Variants in PHACTR1 observed in about 807,000 individuals in gnomAD.
PHACTR1 encodes the protein phosphatase and actin regulator 1.
A neutral mutation model predicts 69.2 loss-of-function variants in PHACTR1; 16 were observed. The observed-to-expected ratio is 0.23, with a 90% CI of 0.16 to 0.35. The LOEUF (loss-of-function observed/expected upper bound fraction) is 0.35, where lower values mean the gene tolerates loss of function less well. Ranked by LOEUF, PHACTR1 falls within the 10% of genes least tolerant of loss-of-function variation. The pLI, the probability that PHACTR1 is intolerant of heterozygous loss-of-function variation, is 1.00. For missense variants in PHACTR1, 510 were observed against 734.7 expected (o/e 0.69, Z 3.54); for synonymous variants, 312 against 284.5 (o/e 1.10, Z -0.97).
At chr6:12,813,557 G>A (rs1396055626) in intron 4 of PHACTR1, among the ~76,000 whole-genome samples, 1 of 152,194 alleles carries the variant, frequency 6.6e-6, no homozygotes, top group East Asian at 1.9e-4. Flanking sequence ...TCCAGAGTGT[G>A]AGTGTGCTCC....
chr6:13,283,711 C>CA lies in PHACTR1; in HGVS notation c.1650+150dup. ...GTGTTGAGACCCCAACACCTTTCCCCAGGGGCCACAGATAATCTGCGGAAA... is the reference window on the plus strand; with the variant it reads ...GTGTTGAGACCCCAACACCTTTCCCCAAGGGGCCACAGATAATCTGCGGAAA... On this transcript the variant is annotated intron_variant, in intron 13 of 14. Transcript: ENST00000332995. The surrounding 1 kb of genome is among the most constrained non-coding windows in gnomAD (Gnocchi z 4.7). 1 of 1,121,910 alleles carries CA rather than the reference C, an allele frequency of 8.9e-7. No individual in the cohort carries two copies. Among genetic ancestry groups the CA allele is most frequent in the Non-Finnish European group, 1.3e-6 (1 of 772,634 alleles). 69.5% of individuals were successfully genotyped at this position (1,121,910 alleles called of 1,614,324 possible).
chr6:13,124,285 C>T (rs1819186830), intron 5 of PHACTR1, among the ~76,000 whole-genome samples: 1 of 152,142 alleles, frequency 6.6e-6, no homozygotes, highest in African/African-American at 2.4e-5. Context: ...ATGGAGTTCC[C>T]AATAAATTGT....
chr6:13,039,493 A>G lies in PHACTR1; in HGVS notation c.251-13872A>G, dbSNP rs568730766. 2.4e-4 allele frequency among the ~76,000 whole-genome samples: 37 copies of G among 152,328 alleles called. 1 individual carries two copies. In the South Asian group the frequency reaches 6.8e-3, roughly 28 times the overall value. ...TCAGGACAGCCAAGATTGATATTTG[A>G]TTAGCTCTGCAGTAAAGTTCCCATC... On this transcript the variant is annotated intron_variant, in intron 4 of 14. Coordinates refer to ENST00000332995, the MANE Select transcript of PHACTR1 (RefSeq NM_030948.6).
chr6:13,284,735 T>C (rs1002990202), intron 13 of PHACTR1, among the ~76,000 whole-genome samples: 2 of 151,694 alleles, frequency 1.3e-5, no homozygotes, highest in Non-Finnish European at 1.5e-5. Flanking sequence ...CAGGAAGTCA[T>C]TTATGGCCCA....
At chr6:13,137,627 T>A (rs1223521) in intron 5 of PHACTR1, among the ~76,000 whole-genome samples, 1 of 152,196 alleles carries the variant, frequency 6.6e-6, no homozygotes, top group Non-Finnish European at 1.5e-5. Flanking sequence ...CCCATGCAAC[T>A]GTTTTCATGC....
chr6:12,909,596 T>C (rs1786136266), intron 4 of PHACTR1, among the ~76,000 whole-genome samples: 1 of 152,168 alleles, frequency 6.6e-6, no homozygotes, highest in Non-Finnish European at 1.5e-5. Flanking sequence ...TATGAGTAGG[T>C]GAAAACAACC....
chr6:13,160,242 G>C lies in PHACTR1; in HGVS notation c.454G>C (p.Glu152Gln). ...RKISMRQSREELIKRGVLKEI... is the reference protein window; with the variant it reads ...RKISMRQSREQLIKRGVLKEI... ...AATATCTATGAGGCAAAGCAGAGAA[G>C]AGCTGATAAAGCGAGGAGTCCTGAA... Residue 152 changes from glutamate to glutamine, a missense_variant, in exon 6 of 15, where the codon GAG (glutamate) becomes CAG (glutamine). Glu to Gln is a conservative substitution (Grantham distance 29). Around this residue, in one of 2 missense-constraint regions of PHACTR1, gnomAD observed 419 missense variants for 530.9 expected, o/e 0.79. Coordinates refer to ENST00000332995, the MANE Select transcript of PHACTR1 (RefSeq NM_030948.6). The C allele has an allele frequency of 1.9e-6, 3 of 1,613,816 alleles. No individual in the cohort carries two copies. Among genetic ancestry groups the C allele is most frequent in the Non-Finnish European group, 2.5e-6 (3 of 1,179,772 alleles).
intron 4 of PHACTR1, among the ~76,000 whole-genome samples, chr6:12,856,466 G>C (rs1012565846): frequency 1.6e-4 from 24 of 152,036 alleles, no homozygotes; most frequent in Admixed American, 6.5e-5. Flanking sequence ...TGTTAGCCAG[G>C]ATGGTCTTCT....
intron 4 of PHACTR1, among the ~76,000 whole-genome samples, chr6:12,932,929 C>T (rs543969645): frequency 1.6e-4 from 23 of 147,136 alleles, no homozygotes; most frequent in African/African-American, 5.5e-4. Flanking sequence ...TAATTTATTC[C>T]AAATCTTTTT....
At chr6:12,931,124 T>A (rs567315659) in intron 4 of PHACTR1, among the ~76,000 whole-genome samples, 37 of 152,182 alleles carry the variant, frequency 2.4e-4, no homozygotes, top group Middle Eastern at 6.8e-3. Flanking sequence ...TATAGTGGCT[T>A]AAGATCGAAA....
At chr6:13,107,066 A>G (rs1178523688) in intron 5 of PHACTR1, among the ~76,000 whole-genome samples, 2 of 151,882 alleles carry the variant, frequency 1.3e-5, no homozygotes, top group South Asian at 2.1e-4. Context: ...ACATTATAAA[A>G]TGAGTTAGGA....
At chr6:12,837,063 C>T (rs961037184) in intron 4 of PHACTR1, among the ~76,000 whole-genome samples, 4 of 152,136 alleles carry the variant, frequency 2.6e-5, no homozygotes, top group African/African-American at 9.7e-5. Context: ...GCTCAGTGTC[C>T]TGCAATCATT....
chr6:12,736,766 C>T (rs981109989), intron 3 of PHACTR1, among the ~76,000 whole-genome samples: 1 of 152,014 alleles, frequency 6.6e-6, no homozygotes, highest in African/African-American at 2.4e-5. Flanking sequence ...ACAAAGAATA[C>T]ATATGTACTC....
chr6:13,093,052 A>G (rs1813544851), intron 5 of PHACTR1, among the ~76,000 whole-genome samples: 1 of 152,190 alleles, frequency 6.6e-6, no homozygotes, highest in Non-Finnish European at 1.5e-5. Context: ...TCAGTGACAA[A>G]TTGGGGAACT....
chr6:13,096,151 C>T (rs1814212338), intron 5 of PHACTR1, among the ~76,000 whole-genome samples: 2 of 152,092 alleles, frequency 1.3e-5, no homozygotes, highest in South Asian at 4.2e-4. Context: ...CCTTTCCAAA[C>T]CACAGTTCCC....
chr6:13,122,504 A>G (rs1561860771), intron 5 of PHACTR1, among the ~76,000 whole-genome samples: 1 of 152,220 alleles, frequency 6.6e-6, no homozygotes, highest in Non-Finnish European at 1.5e-5. Flanking sequence ...ATGTCAAGCT[A>G]TTGATATATT....
At chr6:13,277,814 G>A (rs1433029914) in intron 11 of PHACTR1, among the ~76,000 whole-genome samples, 1 of 152,078 alleles carries the variant, frequency 6.6e-6, no homozygotes, top group Non-Finnish European at 1.5e-5. Flanking sequence ...GTCAGGTGTG[G>A]TGGCGTGCAT....
intron 4 of PHACTR1, among the ~76,000 whole-genome samples, chr6:12,973,544 G>C (rs1477601100): frequency 1.3e-5 from 2 of 152,186 alleles, no homozygotes; most frequent in Non-Finnish European, 2.9e-5. Flanking sequence ...ATTATAAACT[G>C]TTTTGAGGCA....
At chr6:13,257,476 A>C (rs1034787818) in intron 10 of PHACTR1, among the ~76,000 whole-genome samples, 6 of 152,236 alleles carry the variant, frequency 3.9e-5, no homozygotes, top group Non-Finnish European at 8.8e-5. Context: ...TTATCTGGAA[A>C]ACGTTCATCA....
Sources: allele counts gnomAD v4.1 joint callset (sites outside exome capture counted in the v4.1 genomes callset), GRCh38; gene constraint gnomAD v4.1.1; regional missense constraint gnomAD v4.1.1; non-coding constraint Gnocchi (gnomAD v3.1); transcripts MANE v1.5; gene names NCBI Gene and HGNC (gene_info 2026-07-23, HGNC 2026-07-21).